JPH3: variants seen among roughly 807,000 people sequenced by gnomAD.
JPH3 encodes junctophilin-3.
JPH3 carries 11 observed loss-of-function variants against 59.6 expected under a neutral mutation model. The ratio of observed to expected loss-of-function variants is 0.18; its 90% confidence interval spans 0.12 to 0.31. The LOEUF (loss-of-function observed/expected upper bound fraction) is 0.31. JPH3 is among the 10% of genes least tolerant of loss of function. The probability of loss-of-function intolerance (pLI) is 1.00; values close to 1 mark genes in which losing one functional copy is unlikely to be tolerated. For synonymous variants in JPH3, 673 were observed against 483.6 expected (o/e 1.39, Z -5.14); for missense variants, 1,202 against 1,105.7 (o/e 1.09, Z -1.24).
chr16:87,667,299 T>A (rs1217481505), intron 2 of JPH3, among the ~76,000 whole-genome samples: 1 of 152,234 alleles, frequency 6.6e-6, no homozygotes, highest in Non-Finnish European at 1.5e-5. Flanking sequence ...CAGAGATGCT[T>A]TTCCCGACGT....
At chr16:87,648,503 G>A (rs1308956611) in intron 2 of JPH3, among the ~76,000 whole-genome samples, 1 of 152,206 alleles carries the variant, frequency 6.6e-6, no homozygotes, top group Non-Finnish European at 1.5e-5. Context: ...CGCGTGAAGT[G>A]AGAAACGGTT....
chr16:87,689,852 G>A lies in JPH3; in HGVS notation c.1492G>A (p.Val498Ile). 6.6e-7 allele frequency: 1 copy of A among 1,521,402 alleles called. No individual in the cohort carries two copies. Among genetic ancestry groups the A allele is most frequent in the Non-Finnish European group, 8.8e-7 (1 of 1,135,158 alleles). 94.2% of individuals were successfully genotyped at this position (1,521,402 alleles called of 1,614,324 possible). ...GCCCGCGCCCGCCGCCAGGAACAAGGTCGCCCACTTCTCGAGGCAGGTGTC... is the reference window on the plus strand; with the variant it reads ...GCCCGCGCCCGCCGCCAGGAACAAGATCGCCCACTTCTCGAGGCAGGTGTC... ...PPPAPAARNK[V>I]AHFSRQVSVD... The change falls in exon 4 of 5, where the codon GTC (valine) becomes ATC (isoleucine). Residue 498 changes from valine to isoleucine, a missense_variant. Transcript: ENST00000284262.
At chr16:87,615,810 TA>T (rs1194414840) in intron 1 of JPH3, among the ~76,000 whole-genome samples, 1 of 151,990 alleles carries the variant, frequency 6.6e-6, no homozygotes, top group Non-Finnish European at 1.5e-5. Context: ...GAGGCATTGC[TA>T]GGGGGAGGCG....
intron 1 of JPH3, among the ~76,000 whole-genome samples, chr16:87,620,698 A>G (rs2031154577): frequency 6.6e-6 from 1 of 152,112 alleles, no homozygotes; most frequent in Non-Finnish European, 1.5e-5. Flanking sequence ...CAGCCCTGTG[A>G]GGCGCTGTCC....
At chr16:87,658,840 G>T (rs902467418) in intron 2 of JPH3, among the ~76,000 whole-genome samples, 3 of 152,230 alleles carry the variant, frequency 2.0e-5, no homozygotes, top group African/African-American at 4.8e-5. Context: ...CTGAGGCAGG[G>T]GTGGGTGGCC....
At chr16:87,638,580 C>T (rs985136974) in intron 1 of JPH3, among the ~76,000 whole-genome samples, 7 of 3,590 alleles carry the variant, frequency 1.9e-3, no homozygotes, top group African/African-American at 2.2e-3. Context: ...TAGGAGGGGA[C>T]AGGGGCAGGG....
chr16:87,690,433 G>C lies in JPH3; in HGVS notation c.2073G>C (p.Leu691=). The change falls in exon 4 of 5, where the codon CTG becomes CTC. Residue 691 remains leucine (L), a synonymous_variant. Coordinates refer to ENST00000284262, the MANE Select transcript of JPH3 (RefSeq NM_020655.4). The part of the protein sequence containing the change: ...LRLGGAEPRL[L]RWDLTFSPPQ... ...TGGGCGGGGCCGAGCCCCGGTTGCT[G>C]CGTTGGGACTTGACCTTCTCCCCGC... is the stretch of plus-strand genomic sequence containing the variant. The C allele has an allele frequency of 6.7e-7, 1 of 1,496,954 alleles. No individual in the cohort carries two copies. The highest frequency in any genetic ancestry group is 8.9e-7 in the Non-Finnish European group (1 of 1,126,150). The allele number at this position is 1,496,954 out of a possible 1,614,324, so 92.7% of individuals were successfully genotyped here.
In JPH3 at chr16:87,611,667, C is replaced by G. The variant is rs552813694; in HGVS notation, c.382+8139C>G. On this transcript the variant is annotated intron_variant, in intron 1 of 4. Transcript: ENST00000284262. The surrounding 1 kb of genome is among the most constrained non-coding windows in gnomAD (Gnocchi z 4.5). ...TCTGCTGCTCTATGCCAGTGCTTCC[C>G]AAGCCTGAGTGTTACAAGAACCACC... Among the ~76,000 whole-genome samples, 25 of 152,118 alleles carry G rather than the reference C, an allele frequency of 1.6e-4. No individual in the cohort carries two copies. Among genetic ancestry groups the G allele is most frequent in the Admixed American group, 3.3e-4 (5 of 15,276 alleles).
chr16:87,635,003 G>C (rs1228451348), intron 1 of JPH3, among the ~76,000 whole-genome samples: 1 of 152,216 alleles, frequency 6.6e-6, no homozygotes, highest in Non-Finnish European at 1.5e-5. Context: ...ACCTCCGCCT[G>C]CATGGAGCCA....
chr16:87,640,539 C>G (rs902114277), intron 1 of JPH3, among the ~76,000 whole-genome samples: 2 of 151,700 alleles, frequency 1.3e-5, no homozygotes, highest in African/African-American at 4.8e-5. Context: ...TACAGGCACC[C>G]ATCACCATGC....
At chr16:87,677,975 T>G (rs187947548) in intron 2 of JPH3, among the ~76,000 whole-genome samples, 2 of 152,290 alleles carry the variant, frequency 1.3e-5, no homozygotes, top group Admixed American at 1.3e-4. Context: ...TATGTAAGGC[T>G]GGGTGTGGTG....
intron 1 of JPH3, among the ~76,000 whole-genome samples, chr16:87,626,258 G>T (rs539899287): frequency 6.6e-6 from 1 of 152,252 alleles, no homozygotes; most frequent in African/African-American, 2.4e-5. Flanking sequence ...TTGTGCACAC[G>T]TGCAGACTGA....
At chr16:87,689,595 G>C in intron 3 of JPH3, 51 bp from the exon 4 acceptor site, 1 of 1,586,544 alleles carries the variant, frequency 6.3e-7, no homozygotes, top group Non-Finnish European at 8.6e-7. Flanking sequence ...CGGCCTCGCT[G>C]TGGAATGTGC....
chr16:87,696,975 C>T lies in JPH3; in HGVS notation c.*315C>T, dbSNP rs998426783. 27 of 371,614 alleles carry T rather than the reference C, an allele frequency of 7.3e-5. No homozygotes were observed. The highest frequency in any genetic ancestry group is 3.9e-4 in the African/African-American group (19 of 48,218). The allele number at this position is 371,614 out of a possible 1,614,324, so 23.0% of individuals were successfully genotyped here. A position where few individuals can be genotyped will look rare whatever the true frequency, so the allele number is the denominator to read the frequency against. ...CCGGCACATCAGTGGTAACAGCGGA[C>T]GTTGTCCTCGTGGTCACACGTCCCG... is the stretch of plus-strand genomic sequence containing the variant. On this transcript the variant is annotated 3_prime_UTR_variant, in exon 5 of 5. Transcript: ENST00000284262.
chr16:87,619,085 C>A (rs569916659), intron 1 of JPH3, among the ~76,000 whole-genome samples: 34 of 50,010 alleles, frequency 6.8e-4, no homozygotes, highest in South Asian at 4.6e-3. Context: ...AAGACTCTGT[C>A]TCAAAAAAAA....
Position 87,622,858 on chromosome 16 carries a change from A to G in JPH3, c.382+19330A>G, listed in dbSNP as rs369989936. Among the ~76,000 whole-genome samples the G allele has an allele frequency of 3.1e-3, 476 of 152,156 alleles. 4 individuals carry two copies. Among genetic ancestry groups the G allele is most frequent in the African/African-American group, 0.011 (458 of 41,510 alleles). On this transcript the variant is annotated intron_variant, in intron 1 of 4. Coordinates refer to ENST00000284262, the MANE Select transcript of JPH3 (RefSeq NM_020655.4). ...GTGGTGTAGCCAGTGCCCTGCCCCA[A>G]CTCAGCCTCTGGTCACCCTTCCAGG...
chr16:87,618,681 A>G (rs570306961), intron 1 of JPH3, among the ~76,000 whole-genome samples: 2 of 152,188 alleles, frequency 1.3e-5, no homozygotes, highest in Admixed American at 6.5e-5. Context: ...TTTTGGTTGC[A>G]GCCACTTCTG....
intron 2 of JPH3, among the ~76,000 whole-genome samples, chr16:87,647,494 C>T (rs1014545764): frequency 6.6e-6 from 1 of 152,226 alleles, no homozygotes; most frequent in Non-Finnish European, 1.5e-5. Flanking sequence ...CTTTGAGGCC[C>T]AGCAGCCCAT....
chr16:87,666,617 C>G (rs1156627465), intron 2 of JPH3, among the ~76,000 whole-genome samples: 2 of 152,190 alleles, frequency 1.3e-5, no homozygotes, highest in Non-Finnish European at 2.9e-5. Context: ...AGGCTGGTCT[C>G]AAACTCCTGG....
Sources: allele counts gnomAD v4.1 joint callset (sites outside exome capture counted in the v4.1 genomes callset), GRCh38; gene constraint gnomAD v4.1.1; non-coding constraint Gnocchi (gnomAD v3.1); transcripts MANE v1.5; gene names NCBI Gene and HGNC (gene_info 2026-07-23, HGNC 2026-07-21).